The following PFDN1 variants were observed in gnomAD, a reference collection of about 807,000 sequenced individuals.
PFDN1 encodes the protein prefoldin 1.
In PFDN1, 6 loss-of-function variants were observed where a neutral mutation model predicts 17.3. That is an observed-to-expected ratio of 0.35 (90% CI 0.19 to 0.69). PFDN1 has a LOEUF of 0.69. PFDN1 is among the 30% of genes least tolerant of loss of function. PFDN1 has a pLI of 0.65. For missense variants in PFDN1, 113 were observed against 146.2 expected (o/e 0.77, Z 1.17); for synonymous variants, 58 against 50.1 (o/e 1.16, Z -0.67).
At chr5:140,262,220 G>A (rs1207723282) in intron 3 of PFDN1, among the ~76,000 whole-genome samples, 2 of 152,116 alleles carry the variant, frequency 1.3e-5, no homozygotes, top group Non-Finnish European at 2.9e-5. Flanking sequence ...GTATTCGGGG[G>A]TTATCATTTT....
chr5:140,276,780 C>CA (rs35889345), intron 3 of PFDN1, among the ~76,000 whole-genome samples: 2,484 of 46,602 alleles, frequency 0.053, 351 homozygotes, highest in Middle Eastern at 0.075. Context: ...GACACCGTCT[C>CA]AAAAAAAAAA....
intron 3 of PFDN1, among the ~76,000 whole-genome samples, chr5:140,247,788 C>T (rs748885731): frequency 9.2e-5 from 14 of 152,070 alleles, no homozygotes; most frequent in African/African-American, 1.2e-4. Context: ...AAAAATTAGA[C>T]AGGTGTGGTG....
rs1208074898 is a variant in PFDN1, at chr5:140,285,561, T to C, written c.201-4028A>G. ...ATTAAAACTTTATGGCACATCCACA[T>C]TGTGGACTGCTCAGTGAGTTACAGA... On this transcript the variant is annotated intron_variant, in intron 2 of 3. Transcript: ENST00000261813. Among the ~76,000 whole-genome samples the C allele has an allele frequency of 3.9e-5, 6 of 152,226 alleles. No individual in the cohort carries two copies. The South Asian group carries it at 1.0e-3, about 26-fold the overall frequency.
intron 3 of PFDN1, among the ~76,000 whole-genome samples, chr5:140,264,909 G>A (rs1765115451): frequency 6.6e-6 from 1 of 152,080 alleles, no homozygotes; most frequent in African/African-American, 2.4e-5. Context: ...TACATAATAT[G>A]TGAGTATATA....
intron 2 of PFDN1, chr5:140,281,954 A>G (rs1369890547): frequency 1.3e-5 from 2 of 156,838 alleles, no homozygotes; most frequent in Non-Finnish European, 2.8e-5. Context: ...AGGCCGAGGC[A>G]GGAGGACTGC....
intron 3 of PFDN1, among the ~76,000 whole-genome samples, chr5:140,276,780 C>CAAAAAAAAAAAA (rs35889345): frequency 4.3e-5 from 2 of 46,738 alleles, no homozygotes; most frequent in Non-Finnish European, 7.1e-5. Flanking sequence ...GACACCGTCT[C>CAAAAAAAAAAAA]AAAAAAAAAA....
At position 140,300,616 on chromosome 5, in the gene PFDN1, A is replaced by C. The variant is rs773351261; in HGVS notation, c.34-34T>G. 2.1e-6 allele frequency: 3 copies of C among 1,453,898 alleles called. No individual in the cohort carries two copies. In the African/African-American group the frequency reaches 4.3e-5, roughly 21 times the overall value. The allele number at this position is 1,453,898 out of a possible 1,614,324, so 90.1% of individuals were successfully genotyped here. On this transcript the variant is annotated intron_variant, in intron 1 of 3. Transcript: ENST00000261813. ...AACAAGTCCATGATTTAGTAGGTAA[A>C]ACATTTTACAGGAAACATTTACCTC...
At chr5:140,262,000 G>C (rs541822407) in intron 3 of PFDN1, among the ~76,000 whole-genome samples, 1 of 151,762 alleles carries the variant, frequency 6.6e-6, no homozygotes, top group Non-Finnish European at 1.5e-5. Flanking sequence ...ATAGAACTGG[G>C]GTAAACAGAG....
chr5:140,300,265 G>A lies in PFDN1; in HGVS notation c.200+151C>T, dbSNP rs576280368. 2.2e-3 allele frequency: 1,298 copies of A among 586,556 alleles called. 10 individuals are homozygous for A. Among genetic ancestry groups the A allele is most frequent in the Middle Eastern group, 0.018 (39 of 2,190 alleles). 36.3% of individuals were successfully genotyped at this position (586,556 alleles called of 1,614,324 possible). On this transcript the variant is annotated intron_variant, in intron 2 of 3. Coordinates refer to ENST00000261813, the MANE Select transcript of PFDN1 (RefSeq NM_002622.5). ...ATACTGGCCAACAGGCTGCCCTCAA[G>A]TGATCCACTCGCCTCGACCTCCCAA...
At chr5:140,263,028 T>C (rs2126682534) in intron 3 of PFDN1, among the ~76,000 whole-genome samples, 1 of 152,334 alleles carries the variant, frequency 6.6e-6, no homozygotes, top group South Asian at 2.1e-4. Flanking sequence ...TCAGGCACAG[T>C]GCTAAGTGAT....
chr5:140,263,263 T>G (rs1490086502), intron 3 of PFDN1, among the ~76,000 whole-genome samples: 1 of 152,230 alleles, frequency 6.6e-6, no homozygotes, highest in African/African-American at 2.4e-5. Flanking sequence ...AGACTCTGCC[T>G]GCCTCTGCAG....
At chr5:140,296,500 GTC>G (rs1201671172) in intron 2 of PFDN1, among the ~76,000 whole-genome samples, 2 of 152,132 alleles carry the variant, frequency 1.3e-5, no homozygotes, top group Admixed American at 1.3e-4. Context: ...GAGTGAATGA[GTC>G]TGCCCCAGGG....
At chr5:140,300,367 G>A (rs766758468) in intron 2 of PFDN1, 49 bp downstream of exon 2, 21 of 1,363,814 alleles carry the variant, frequency 1.5e-5, no homozygotes, top group African/African-American at 1.3e-4. Flanking sequence ...TATTTAACTC[G>A]GACAAAAGCA....
chr5:140,249,017 T>C (rs1204058137), intron 3 of PFDN1, among the ~76,000 whole-genome samples: 1 of 152,184 alleles, frequency 6.6e-6, no homozygotes, highest in Non-Finnish European at 1.5e-5. Flanking sequence ...AAAGAAAAAA[T>C]TCCAACAGGA....
intron 1 of PFDN1, among the ~76,000 whole-genome samples, chr5:140,300,872 C>A (rs1160433548): frequency 6.6e-6 from 1 of 152,096 alleles, no homozygotes; most frequent in Non-Finnish European, 1.5e-5. Context: ...ATGCAATAGT[C>A]AAGGATGAAA....
At chr5:140,252,688 CACTG>C (rs1169419043) in intron 3 of PFDN1, among the ~76,000 whole-genome samples, 1 of 152,172 alleles carries the variant, frequency 6.6e-6, no homozygotes, top group African/African-American at 2.4e-5. Flanking sequence ...GCCAAGAACT[CACTG>C]AGGGCTGAAG....
At chr5:140,248,425 C>T (rs1248256270) in intron 3 of PFDN1, among the ~76,000 whole-genome samples, 1 of 145,096 alleles carries the variant, frequency 6.9e-6, no homozygotes, top group Non-Finnish European at 1.5e-5. Flanking sequence ...TACTAGTAAG[C>T]CCTGACACAC....
intron 2 of PFDN1, among the ~76,000 whole-genome samples, chr5:140,296,563 A>T (rs1031786558): frequency 6.6e-6 from 1 of 152,226 alleles, no homozygotes; most frequent in African/African-American, 2.4e-5. Context: ...GTCTTGAAGG[A>T]TAAGAATTTC....
intron 3 of PFDN1, among the ~76,000 whole-genome samples, chr5:140,278,817 T>A (rs1435434657): frequency 1.3e-5 from 2 of 152,192 alleles, no homozygotes; most frequent in Non-Finnish European, 2.9e-5. Context: ...TAACAGTGTA[T>A]ATGTGCATAA....
Sources: allele counts gnomAD v4.1 joint callset (sites outside exome capture counted in the v4.1 genomes callset), GRCh38; gene constraint gnomAD v4.1.1; transcripts MANE v1.5; gene names NCBI Gene and HGNC (gene_info 2026-07-23, HGNC 2026-07-21).